Variants in HEATR5A observed in about 807,000 individuals in gnomAD.
HEATR5A encodes the protein HEAT repeat containing 5A.
A neutral mutation model predicts 218.8 loss-of-function variants in HEATR5A; 178 were observed. That is an observed-to-expected ratio of 0.81 (90% CI 0.72 to 0.92). HEATR5A has a LOEUF of 0.92. Ranked by LOEUF, HEATR5A falls within the 40% of genes least tolerant of loss-of-function variation. HEATR5A has a pLI of 0.00. For missense variants in HEATR5A, 2,420 were observed against 2,418.9 expected (o/e 1.00, Z -0.01); for synonymous variants, 864 against 871.6 (o/e 0.99, Z 0.15).
At chr14:31,330,708 A>G (rs944744895) in intron 22 of HEATR5A, among the ~76,000 whole-genome samples, 5 of 151,566 alleles carry the variant, frequency 3.3e-5, no homozygotes, top group African/African-American at 1.2e-4. Flanking sequence ...GGAGAATAGC[A>G]TGAACCCAGG....
intron 1 of HEATR5A, among the ~76,000 whole-genome samples, chr14:31,410,637 A>G (rs529376511): frequency 6.6e-6 from 1 of 152,340 alleles, no homozygotes; most frequent in East Asian, 1.9e-4. Context: ...TAACTGGTAC[A>G]CTTTATTAGT....
At chr14:31,409,205 G>T (rs1640548355) in intron 1 of HEATR5A, among the ~76,000 whole-genome samples, 1 of 148,932 alleles carries the variant, frequency 6.7e-6, no homozygotes, top group Admixed American at 6.7e-5. Flanking sequence ...ATGCCACCAG[G>T]CCTGGCTAAC....
chr14:31,302,463 T>A lies in HEATR5A; in HGVS notation c.5296A>T (p.Thr1766Ser). ...TGGCCCCCAGGTAACTTCACAGCAG[T>A]CTCTCTGAGGACCCCGATTGTGAGG... ...LYLTIGVLRETAVKLPGGQLS... is the reference protein window; with the variant it reads ...LYLTIGVLRESAVKLPGGQLS... The change falls in exon 33 of 36, where the codon ACT becomes TCT. Residue 1766 changes from threonine (T) to serine (S), a missense_variant. Coordinates refer to ENST00000543095, the MANE Select transcript of HEATR5A (RefSeq NM_015473.4). 1 of 1,596,814 alleles carries A rather than the reference T, an allele frequency of 6.3e-7. No homozygotes were observed. Among genetic ancestry groups the A allele is most frequent in the South Asian group, 1.1e-5 (1 of 88,052 alleles).
At chr14:31,377,113 G>C (rs1442504386) in intron 11 of HEATR5A, among the ~76,000 whole-genome samples, 2 of 137,748 alleles carry the variant, frequency 1.5e-5, no homozygotes, top group African/African-American at 2.7e-5. Context: ...AACATGGTGA[G>C]ACCCTGTCTC....
At chr14:31,307,081 T>C (rs1294150567) in intron 30 of HEATR5A, among the ~76,000 whole-genome samples, 2 of 152,094 alleles carry the variant, frequency 1.3e-5, no homozygotes, top group African/African-American at 4.8e-5. Context: ...TCCCAGCACT[T>C]TGGGAGGCTG....
intron 11 of HEATR5A, among the ~76,000 whole-genome samples, chr14:31,379,566 T>A (rs1046057543): frequency 3.3e-5 from 5 of 152,170 alleles, no homozygotes; most frequent in Admixed American, 3.3e-4. Flanking sequence ...AGTTGTTTTA[T>A]ATCTAGCTAT....
intron 11 of HEATR5A, among the ~76,000 whole-genome samples, chr14:31,375,846 A>G (rs764606169): frequency 6.6e-6 from 1 of 152,332 alleles, no homozygotes; most frequent in Admixed American, 6.5e-5. Flanking sequence ...AAACCCAATA[A>G]TAATACAAAA....
At chr14:31,299,382 G>A (rs1380643246) in intron 33 of HEATR5A, among the ~76,000 whole-genome samples, 2 of 152,190 alleles carry the variant, frequency 1.3e-5, no homozygotes, top group African/African-American at 4.8e-5. Flanking sequence ...TGCCAAGAGC[G>A]AACCTTTAGA....
At chr14:31,356,541 A>AT (rs1286863916) in intron 16 of HEATR5A, among the ~76,000 whole-genome samples, 3 of 151,836 alleles carry the variant, frequency 2.0e-5, no homozygotes, top group African/African-American at 4.8e-5. Context: ...GTCACCTACT[A>AT]TTTTTTTTCC....
intron 4 of HEATR5A, among the ~76,000 whole-genome samples, chr14:31,398,401 G>A (rs915851876): frequency 6.6e-6 from 1 of 152,324 alleles, no homozygotes; most frequent in Non-Finnish European, 1.5e-5. Flanking sequence ...TAAGAGGAGA[G>A]AGTAGGGATG....
rs534992070 is a variant in HEATR5A at position 31,354,437 on chromosome 14, C to G, written c.2412-3720G>C. Among the ~76,000 whole-genome samples the G allele has an allele frequency of 9.9e-5, 15 of 152,164 alleles. No homozygotes were observed. The South Asian group carries it at 3.1e-3, about 32-fold the overall frequency. ...AATCTTTTTCTTCATCTTCTGCCCCCCAATCCTGAAAGAGATTGAATACAC... is the reference window on the plus strand; with the variant it reads ...AATCTTTTTCTTCATCTTCTGCCCCGCAATCCTGAAAGAGATTGAATACAC... On this transcript the variant is annotated intron_variant, in intron 16 of 35. Transcript: ENST00000543095.
chr14:31,346,786 G>C (rs552754006), intron 19 of HEATR5A, among the ~76,000 whole-genome samples: 1 of 152,308 alleles, frequency 6.6e-6, no homozygotes, highest in East Asian at 1.9e-4. Context: ...AAAATGTGAC[G>C]AATTAGGAGG....
intron 25 of HEATR5A, chr14:31,320,082 T>C (rs908596461): frequency 4.6e-6 from 1 of 217,154 alleles, no homozygotes. Context: ...AGAGGTTATA[T>C]ATATTATGAA....
Position 31,313,053 on chromosome 14 carries a change from T to G in HEATR5A, c.4356A>C (p.Thr1452=). The change falls in exon 28 of 36, where the codon ACA becomes ACC. Residue 1452 remains threonine (T), a synonymous_variant. Transcript: ENST00000543095. ...LLDLVYADLG[T]LSRLWLAALQ... ...GTGCAGCAAGCCAGAGTCTGCTTAG[T>G]GTGCCAAGATCTGCATAGACTAAGT... The G allele has an allele frequency of 6.2e-7, 1 of 1,614,012 alleles. No individual in the cohort carries two copies.
chr14:31,396,155 G>A (rs1016168444), intron 4 of HEATR5A, among the ~76,000 whole-genome samples: 13 of 152,052 alleles, frequency 8.5e-5, no homozygotes, highest in African/African-American at 3.1e-4. Context: ...TCAGGACTTC[G>A]AGACCAGCCT....
intron 12 of HEATR5A, among the ~76,000 whole-genome samples, chr14:31,372,671 T>C (rs1902081108): frequency 6.6e-6 from 1 of 151,892 alleles, no homozygotes; most frequent in Non-Finnish European, 1.5e-5. Context: ...CTACTAAAAA[T>C]ACAAAATTAG....
At chr14:31,395,152 C>T in intron 5 of HEATR5A, 47 bp downstream of exon 5, 2 of 1,314,002 alleles carry the variant, frequency 1.5e-6, no homozygotes, top group Non-Finnish European at 2.0e-6. Context: ...AGCTGATTTA[C>T]TTTTCTTTAT....
intron 19 of HEATR5A, among the ~76,000 whole-genome samples, 183 bp from the exon 20 acceptor site, chr14:31,345,459 T>C (rs1049209928): frequency 2.0e-5 from 3 of 152,248 alleles, no homozygotes; most frequent in African/African-American, 4.8e-5. Context: ...TAGAATGATA[T>C]AGTTCATCAT....
In HEATR5A at chr14:31,293,483, C is replaced by A. The variant is rs749238572; in HGVS notation, c.5963G>T (p.Gly1988Val). The change falls in exon 36 of 36, where the codon GGA (glycine) becomes GTA (valine). Residue 1988 changes from glycine (G) to valine (V), a missense_variant. Gly to Val is a moderately radical substitution (Grantham distance 109). Coordinates refer to ENST00000543095, the MANE Select transcript of HEATR5A (RefSeq NM_015473.4). The stretch of plus-strand genomic sequence containing the variant: ...TTTAAAAACAGATGAATACTGAGGT[C>A]CAATTTGCATGAGATTTTGTAGAGC... ...DFALQNLMQI[G>V]PQYSSVFKSL... is the part of the protein sequence containing the mutation. The A allele has an allele frequency of 6.2e-7, 1 of 1,613,936 alleles. No individual in the cohort carries two copies. Among genetic ancestry groups the A allele is most frequent in the South Asian group, 1.1e-5 (1 of 91,084 alleles).
Sources: allele counts gnomAD v4.1 joint callset (sites outside exome capture counted in the v4.1 genomes callset), GRCh38; gene constraint gnomAD v4.1.1; transcripts MANE v1.5; gene names NCBI Gene and HGNC (gene_info 2026-07-23, HGNC 2026-07-21).